Variants in AOAH observed in about 807,000 individuals in gnomAD.
AOAH encodes the protein acyloxyacyl hydrolase.
A neutral mutation model predicts 92.2 loss-of-function variants in AOAH; 64 were observed. That is an observed-to-expected ratio of 0.69 (90% confidence interval 0.57 to 0.86). AOAH has a LOEUF of 0.86. Ranked by LOEUF, AOAH falls within the 40% of genes least tolerant of loss-of-function variation. The pLI is 0.00. For synonymous variants in AOAH, 263 were observed against 254.5 expected (o/e 1.03, Z -0.32); for missense variants, 656 against 694.6 (o/e 0.94, Z 0.62).
At chr7:36,610,744 T>G (rs1026686066) in intron 11 of AOAH, among the ~76,000 whole-genome samples, 11 of 152,138 alleles carry the variant, frequency 7.2e-5, no homozygotes, top group African/African-American at 2.4e-4. Context: ...TTCCCCAATA[T>G]CTTGATTGTG....
At chr7:36,544,090 A>G (rs116405646) in intron 15 of AOAH, among the ~76,000 whole-genome samples, 4,068 of 151,334 alleles carry the variant, frequency 0.027, 198 homozygotes, top group African/African-American at 0.093. Context: ...AGGACTACAG[A>G]TGAGCACCAC....
chr7:36,599,482 T>C (rs923568290), intron 11 of AOAH, among the ~76,000 whole-genome samples: 3 of 152,222 alleles, frequency 2.0e-5, no homozygotes, highest in Non-Finnish European at 4.4e-5. Flanking sequence ...TTCTATTACA[T>C]GTACCTGCAT....
At chr7:36,591,116 G>A (rs889099307) in intron 12 of AOAH, among the ~76,000 whole-genome samples, 13 of 152,160 alleles carry the variant, frequency 8.5e-5, no homozygotes, top group Non-Finnish European at 1.2e-4. Context: ...ATTAAAAGGA[G>A]TTGGTATATT....
intron 2 of AOAH, among the ~76,000 whole-genome samples, chr7:36,678,550 A>AGTGTGT (rs529261307): frequency 0.049 from 5,762 of 118,698 alleles, 226 homozygotes; most frequent in Non-Finnish European, 0.065. Flanking sequence ...TAAGATAAGC[A>AGTGTGT]GTGTGTGTGT....
At chr7:36,576,320 A>G (rs549517675) in intron 13 of AOAH, among the ~76,000 whole-genome samples, 69 of 152,276 alleles carry the variant, frequency 4.5e-4, no homozygotes, top group African/African-American at 1.5e-3. Context: ...GCCTTGCTAG[A>G]ACTTTGCTGT....
intron 6 of AOAH, among the ~76,000 whole-genome samples, chr7:36,631,656 A>G (rs574212690): frequency 6.6e-6 from 1 of 152,298 alleles, no homozygotes; most frequent in East Asian, 1.9e-4. Flanking sequence ...TGCACTAAAG[A>G]TGCTCAGAGT....
chr7:36,572,949 T>C (rs574917344), intron 13 of AOAH, among the ~76,000 whole-genome samples: 25 of 152,326 alleles, frequency 1.6e-4, no homozygotes, highest in African/African-American at 5.5e-4. Flanking sequence ...GTTTGTTGTC[T>C]GGGCAACCCT....
At chr7:36,688,142 T>C (rs1331160796) in intron 1 of AOAH, among the ~76,000 whole-genome samples, 1 of 152,232 alleles carries the variant, frequency 6.6e-6, no homozygotes, top group African/African-American at 2.4e-5. Flanking sequence ...TCTAACCTAA[T>C]GCATGGCACT....
intron 3 of AOAH, among the ~76,000 whole-genome samples, chr7:36,669,377 C>CT (rs33911092): frequency 0.2 from 25,086 of 125,360 alleles, 2,795 homozygotes; most frequent in African/African-American, 0.25. Context: ...CCCCCCCCAC[C>CT]TTTTTTTTTT....
intron 11 of AOAH, 156 bp from the exon 12 acceptor site, chr7:36,594,586 A>G: frequency 1.4e-6 from 1 of 708,480 alleles, no homozygotes; most frequent in Non-Finnish European, 2.6e-6. Context: ...AGATGTCTCT[A>G]ACCTTCAACT....
At chr7:36,542,984 T>A (rs1179861317) in intron 15 of AOAH, among the ~76,000 whole-genome samples, 1 of 151,870 alleles carries the variant, frequency 6.6e-6, no homozygotes, top group Non-Finnish European at 1.5e-5. Flanking sequence ...ACAACAATAC[T>A]TTTGGTGCCA....
At chr7:36,698,746 A>T (rs1459324624) in intron 1 of AOAH, among the ~76,000 whole-genome samples, 1 of 152,208 alleles carries the variant, frequency 6.6e-6, no homozygotes, top group Non-Finnish European at 1.5e-5. Flanking sequence ...ATAATGTTTA[A>T]AGATAAATCA....
intron 11 of AOAH, among the ~76,000 whole-genome samples, chr7:36,611,120 T>C (rs1791422973): frequency 6.6e-6 from 1 of 152,234 alleles, no homozygotes; most frequent in African/African-American, 2.4e-5. Flanking sequence ...TCCCGTCTCC[T>C]ATTCTTACCA....
chr7:36,588,348 G>A lies in AOAH; in HGVS notation c.938+5991C>T, dbSNP rs146455040. Among the ~76,000 whole-genome samples, 948 of 152,284 alleles carry A rather than the reference G, an allele frequency of 6.2e-3. 10 individuals are homozygous for A. Among genetic ancestry groups the A allele is most frequent in the African/African-American group, 0.021 (886 of 41,558 alleles). ...TTTTCACTTGTGGACCCCCTGAGAG[G>A]GTCTTAGAGACCCCACAGGGGTTCA... is the stretch of plus-strand genomic sequence containing the variant. On this transcript the variant is annotated intron_variant, in intron 12 of 20. Coordinates refer to ENST00000617537, the MANE Select transcript of AOAH (RefSeq NM_001637.4).
At position 36,513,129 on chromosome 7, in the gene AOAH, A is replaced by G; in HGVS notation, c.*123T>C. 1.2e-6 allele frequency: 2 copies of G among 1,609,554 alleles called. No individual in the cohort carries two copies. The highest frequency in any genetic ancestry group is 1.7e-6 in the Non-Finnish European group (2 of 1,179,798). On this transcript the variant is annotated 3_prime_UTR_variant, in exon 21 of 21. Transcript: ENST00000617537. ...TTCATTGAGAGAAAGACATTTTGCA[A>G]AGATGCTGCTGAAGAAGAGTCCTTT...
Position 36,678,588 on chromosome 7 carries a change from TGTGTGTGTGTGTGC to T in AOAH, c.224-4593_224-4580del, listed in dbSNP as rs1399437446. ...GTGTGTGTGTGTGTGTGTGTGTGTG[TGTGTGTGTGTGTGC>T]GCGCGCGCGCGCGTTAGAATTCTGT... On this transcript the variant is annotated intron_variant, in intron 2 of 20. Transcript: ENST00000617537. Among the ~76,000 whole-genome samples, 224 of 93,140 alleles carry T rather than the reference TGTGTGTGTGTGTGC, an allele frequency of 2.4e-3. 2 individuals are homozygous for T. The highest frequency in any genetic ancestry group is 0.013 in the African/African-American group (217 of 17,052). 61.1% of individuals were successfully genotyped at this position (93,140 alleles called of 152,430 possible). A position where few individuals can be genotyped will look rare whatever the true frequency, so the allele number is the denominator to read the frequency against.
intron 13 of AOAH, among the ~76,000 whole-genome samples, chr7:36,566,470 T>C (rs994379075): frequency 6.6e-6 from 1 of 151,572 alleles, no homozygotes; most frequent in African/African-American, 2.4e-5. Flanking sequence ...CTGACATTCA[T>C]CATACTCCAG....
At chr7:36,590,730 G>A (rs573852803) in intron 12 of AOAH, among the ~76,000 whole-genome samples, 1 of 152,330 alleles carries the variant, frequency 6.6e-6, no homozygotes, top group South Asian at 2.1e-4. Flanking sequence ...CAATTCTGTG[G>A]ATAAGCATTT....
At chr7:36,722,362 G>A (rs1218924332) in intron 1 of AOAH, among the ~76,000 whole-genome samples, 1 of 152,116 alleles carries the variant, frequency 6.6e-6, no homozygotes, top group Non-Finnish European at 1.5e-5. Flanking sequence ...CTGAAGTGAA[G>A]GTCCAAGGAT....
Sources: gnomAD v4.1 joint callset for allele counts (sites outside exome capture counted in the v4.1 genomes callset) on GRCh38, gnomAD v4.1.1 for gene constraint, MANE v1.5 for transcripts, NCBI Gene and HGNC (gene_info 2026-07-23, HGNC 2026-07-21) for gene names.